Variants in CCDC171 observed in about 807,000 individuals in gnomAD.
The protein encoded by CCDC171 is coiled-coil domain containing 171.
In CCDC171, 177 loss-of-function variants were observed where a neutral mutation model predicts 168.2. That is an observed-to-expected ratio of 1.05 (90% confidence interval 0.93 to 1.19). CCDC171 has a LOEUF of 1.19. Among genes scored for constraint, CCDC171 ranks in the 50% most tolerant of loss-of-function variants. The pLI, the probability that CCDC171 is intolerant of heterozygous loss-of-function variation, is 0.00. For synonymous variants in CCDC171, 687 were observed against 540.8 expected (o/e 1.27, Z -3.75); for missense variants, 1,991 against 1,539.0 (o/e 1.29, Z -4.91).
intron 4 of CCDC171, chr9:15,588,393 T>C (rs2041733627): frequency 3.7e-6 from 1 of 271,562 alleles, no homozygotes; most frequent in South Asian, 4.3e-5. Context: ...CTACAGGAGA[T>C]AAAGCCAAGC....
chr9:15,865,825 T>C (rs1563899913), intron 23 of CCDC171, among the ~76,000 whole-genome samples: 1 of 147,844 alleles, frequency 6.8e-6, no homozygotes, highest in South Asian at 2.2e-4. Flanking sequence ...AACCCACATG[T>C]TGTTCAAAGT....
chr9:15,744,287 T>A lies in CCDC171; in HGVS notation c.2064T>A (p.Ile688=), dbSNP rs754712073. 3.2e-6 allele frequency: 5 copies of A among 1,580,752 alleles called. No homozygotes were observed. The African/African-American group carries it at 6.8e-5, about 22-fold the overall frequency. Residue 688 remains isoleucine (I), a synonymous_variant, in exon 17 of 26, where the codon ATT becomes ATA. Transcript: ENST00000380701. ...TTCTTCCATAGAAATTTCAAGAAAT[T>A]GCTGAAAAAAACATGGAAAAATTGA... ...VQKRAQKFQE[I]AEKNMEKLNH...
At position 15,816,967 on chromosome 9, in the gene CCDC171, C is replaced by G. The variant is rs1271887269; in HGVS notation, c.3268-29735C>G. On this transcript the variant is annotated intron_variant, in intron 21 of 25. Coordinates refer to ENST00000380701, the MANE Select transcript of CCDC171 (RefSeq NM_173550.4). Reference sequence around the variant, plus strand: ...CTGATTATATTCTCAGGATAGAGCTCAAGAAGCAGACTGAGTCAAAAGATA... The same window carrying G: ...CTGATTATATTCTCAGGATAGAGCTGAAGAAGCAGACTGAGTCAAAAGATA... Among the ~76,000 whole-genome samples, 3 of 117,660 alleles carry G rather than the reference C, an allele frequency of 2.5e-5. 1 individual carries two copies. Among genetic ancestry groups the G allele is most frequent in the Non-Finnish European group, 5.7e-5 (3 of 52,330 alleles). 77.2% of individuals were successfully genotyped at this position (117,660 alleles called of 152,430 possible). A position where few individuals can be genotyped will look rare whatever the true frequency, so the allele number is the denominator to read the frequency against.
intron 7 of CCDC171, among the ~76,000 whole-genome samples, chr9:15,651,122 T>C (rs2047479839): frequency 6.6e-6 from 1 of 151,920 alleles, no homozygotes; most frequent in Non-Finnish European, 1.5e-5. Flanking sequence ...GAATTTTTTT[T>C]TTTTTGAGAT....
intron 21 of CCDC171, among the ~76,000 whole-genome samples, chr9:15,835,272 A>G (rs2060393765): frequency 6.6e-6 from 1 of 152,192 alleles, no homozygotes; most frequent in Non-Finnish European, 1.5e-5. Flanking sequence ...ATGTATTTGT[A>G]TTTATTTACC....
chr9:15,721,574 A>G lies in CCDC171; in HGVS notation c.1319-195A>G, dbSNP rs370373161. ...TTAGAAAGACTATTAATACTTGGCC[A>G]TACAGCAGTATACTTGGAGAATAAA... On this transcript the variant is annotated intron_variant, in intron 11 of 25. Transcript: ENST00000380701. Among the ~76,000 whole-genome samples the G allele has an allele frequency of 1.1e-4, 16 of 147,628 alleles. No individual in the cohort carries two copies. In the East Asian group the frequency reaches 2.0e-3, roughly 19 times the overall value.
chr9:15,616,046 G>C (rs1173504791), intron 6 of CCDC171, among the ~76,000 whole-genome samples: 5 of 152,172 alleles, frequency 3.3e-5, no homozygotes. Context: ...CACCTCCTGG[G>C]TTCAAGCGAT....
intron 6 of CCDC171, among the ~76,000 whole-genome samples, chr9:15,612,257 C>T (rs947087470): frequency 6.6e-6 from 1 of 152,162 alleles, no homozygotes; most frequent in African/African-American, 2.4e-5. Flanking sequence ...TGCTACTAGG[C>T]TTCTCTTTTT....
intron 21 of CCDC171, among the ~76,000 whole-genome samples, chr9:15,846,289 T>G (rs181931858): frequency 8.4e-4 from 128 of 152,202 alleles, no homozygotes; most frequent in Admixed American, 1.9e-3. Context: ...CTCAATCACA[T>G]GCATAGTTTG....
At chr9:16,090,363 C>A in the CCDC171 span, among the ~76,000 whole-genome samples, 1 of 151,698 alleles carries the variant, frequency 6.6e-6, no homozygotes, top group African/African-American at 2.4e-5. Context: ...GGGAGCTGAA[C>A]AATGAAAACA....
chr9:15,718,428 C>T (rs138596584), intron 11 of CCDC171, among the ~76,000 whole-genome samples: 3 of 152,342 alleles, frequency 2.0e-5, no homozygotes, highest in African/African-American at 7.2e-5. Context: ...GGACACAATC[C>T]TGGCTGGCTT....
At chr9:16,074,707 C>G in the CCDC171 span, among the ~76,000 whole-genome samples, 1 of 152,060 alleles carries the variant, frequency 6.6e-6, no homozygotes, top group Admixed American at 6.6e-5. Context: ...ATATTCCAGG[C>G]AGAAGAACAA....
chr9:15,678,701 A>G lies in CCDC171; in HGVS notation c.1077-57A>G, dbSNP rs149850766. ...TCTGCCATATGTATTAAAGGTGTGTAATATCAGTTGATGTAAGCATGTTTG... is the reference window on the plus strand; with the variant it reads ...TCTGCCATATGTATTAAAGGTGTGTGATATCAGTTGATGTAAGCATGTTTG... On this transcript the variant is annotated intron_variant, in intron 9 of 25. Coordinates refer to ENST00000380701, the MANE Select transcript of CCDC171 (RefSeq NM_173550.4). 1,269 of 1,429,320 alleles carry G rather than the reference A, an allele frequency of 8.9e-4. 13 individuals are homozygous for G. In the African/African-American group the frequency reaches 0.016, roughly 18 times the overall value. 88.5% of individuals were successfully genotyped at this position (1,429,320 alleles called of 1,614,324 possible).
At chr9:15,558,827 G>T (rs1399528253) in intron 1 of CCDC171, among the ~76,000 whole-genome samples, 1 of 151,820 alleles carries the variant, frequency 6.6e-6, no homozygotes, top group East Asian at 1.9e-4. Flanking sequence ...GTGATGTTAG[G>T]GTATCAATTT....
chr9:15,748,898 A>T (rs975749620), intron 18 of CCDC171, among the ~76,000 whole-genome samples: 57 of 152,274 alleles, frequency 3.7e-4, no homozygotes, highest in African/African-American at 1.4e-3. Context: ...CTATGAAGAA[A>T]CTGCATCAAG....
At chr9:16,067,828 G>T in the CCDC171 span, among the ~76,000 whole-genome samples, 1 of 152,136 alleles carries the variant, frequency 6.6e-6, no homozygotes, top group African/African-American at 2.4e-5. Flanking sequence ...CTATATCTCT[G>T]TTTTGGTACC....
chr9:15,749,011 T>C (rs2055509451), intron 18 of CCDC171, among the ~76,000 whole-genome samples: 1 of 152,120 alleles, frequency 6.6e-6, no homozygotes, highest in Non-Finnish European at 1.5e-5. Context: ...AGTTGAAAGA[T>C]TCAGACTGGT....
chr9:16,105,454 C>A, the CCDC171 span, among the ~76,000 whole-genome samples: 1 of 43,888 alleles, frequency 2.3e-5, no homozygotes, highest in African/African-American at 3.8e-4. Context: ...AGTCCAGCAC[C>A]CCCCCCTTCT....
At chr9:15,823,870 GA>G (rs34168246) in intron 21 of CCDC171, among the ~76,000 whole-genome samples, 1 of 151,994 alleles carries the variant, frequency 6.6e-6, no homozygotes, top group East Asian at 1.9e-4. Context: ...ACATGACAGA[GA>G]AAAAAATTAT....
Sources: allele counts gnomAD v4.1 joint callset (sites outside exome capture counted in the v4.1 genomes callset), GRCh38; gene constraint gnomAD v4.1.1; transcripts MANE v1.5; gene names NCBI Gene and HGNC (gene_info 2026-07-23, HGNC 2026-07-21).